The following RAB31 variants were observed in gnomAD, a reference collection of about 807,000 sequenced individuals.
RAB31 encodes ras-related protein Rab-31.
RAB31 carries 21 observed loss-of-function variants against 25.6 expected under a neutral mutation model. The ratio of observed to expected loss-of-function variants is 0.82; its 90% confidence interval spans 0.58 to 1.18. RAB31 has a LOEUF of 1.18. Ranked by LOEUF, RAB31 falls within the 50% of genes most tolerant of loss-of-function variation. The pLI is 0.00. For missense variants in RAB31, 196 were observed against 250.1 expected, an observed-to-expected ratio of 0.78 and a Z score of 1.46; for synonymous variants, 87 against 84.0, an observed-to-expected ratio of 1.04 and a Z score of -0.20.
chr18:9,787,687 G>A (rs2068440566), intron 2 of RAB31: 1 of 153,674 alleles, frequency 6.5e-6, no homozygotes, highest in Non-Finnish European at 1.5e-5. Flanking sequence ...CCTTACAAAT[G>A]CAATGATTAT....
intron 1 of RAB31, chr18:9,735,551 C>A: frequency 5.1e-6 from 1 of 195,636 alleles, no homozygotes; most frequent in Non-Finnish European, 1.1e-5. Context: ...GTGGCCATGG[C>A]CGTGGCTCGT....
At chr18:9,797,067 T>C (rs561854670) in intron 3 of RAB31, among the ~76,000 whole-genome samples, 15 of 152,234 alleles carry the variant, frequency 9.9e-5, no homozygotes, top group Non-Finnish European at 1.9e-4. Context: ...CAGACTTCTG[T>C]GCACGGGAAG....
intron 3 of RAB31, among the ~76,000 whole-genome samples, chr18:9,796,399 A>G (rs2068487329): frequency 6.6e-6 from 1 of 152,204 alleles, no homozygotes; most frequent in Non-Finnish European, 1.5e-5. Flanking sequence ...TAATAATAAA[A>G]TAAAGCTAAA....
At chr18:9,716,564 G>A (rs1403107522) in intron 1 of RAB31, among the ~76,000 whole-genome samples, 1 of 152,098 alleles carries the variant, frequency 6.6e-6, no homozygotes, top group Non-Finnish European at 1.5e-5. Context: ...ACAATTGAGT[G>A]TGCTCAGTGT....
In RAB31 at chr18:9,775,346, C is replaced by T. The variant is rs760504706; in HGVS notation, c.108C>T (p.Ser36=). The change falls in exon 2 of 7, where the codon AGC becomes AGT. Residue 36 remains serine, a synonymous_variant. Transcript: ENST00000578921. ...FVQDHFDHNI[S]PTIGASFMTK... Reference sequence around the variant, plus strand: ...AGGATCACTTTGACCACAACATCAGCCCTACTATTGGGTAAGTTCCTGTAT... The same window carrying T: ...AGGATCACTTTGACCACAACATCAGTCCTACTATTGGGTAAGTTCCTGTAT... The T allele has an allele frequency of 1.2e-6, 2 of 1,613,804 alleles. No homozygotes were observed. The highest frequency in any genetic ancestry group is 1.7e-5 in the Admixed American group (1 of 60,010).
At chr18:9,740,037 TG>T (rs1760426479) in intron 1 of RAB31, among the ~76,000 whole-genome samples, 1 of 152,202 alleles carries the variant, frequency 6.6e-6, no homozygotes. Flanking sequence ...CCTCAGACCC[TG>T]GGGTGACGAG....
rs571160903 is a variant in RAB31 at position 9,861,998 on chromosome 18, C to T, written c.*2673C>T. ...CGGCACATTAGGCAGTTGAATATGA[C>T]GTTACCTTGCAGACTAAAAGGTTGA... On this transcript the variant is annotated 3_prime_UTR_variant, in exon 7 of 7. Coordinates refer to ENST00000578921, the MANE Select transcript of RAB31 (RefSeq NM_006868.4). The T allele has an allele frequency of 2.6e-5, 4 of 152,740 alleles. No individual in the cohort carries two copies. The highest frequency in any genetic ancestry group is 4.1e-4 in the South Asian group (2 of 4,830). The allele number at this position is 152,740 out of a possible 1,614,324, so 9.5% of individuals were successfully genotyped here.
intron 5 of RAB31, among the ~76,000 whole-genome samples, chr18:9,844,016 C>G (rs1248353975): frequency 6.6e-6 from 1 of 152,222 alleles, no homozygotes; most frequent in East Asian, 1.9e-4. Context: ...CCATCACTCT[C>G]TGTCCCTGTT....
In RAB31 at chr18:9,762,693, C is replaced by T. The variant is rs911081480; in HGVS notation, c.40-12585C>T. 3.9e-5 allele frequency among the ~76,000 whole-genome samples: 6 copies of T among 152,232 alleles called. No individual in the cohort carries two copies. The East Asian group carries it at 9.7e-4, about 25-fold the overall frequency. The stretch of plus-strand genomic sequence containing the variant: ...AGCTGTGGGGCTATTATAAGAAAAA[C>T]GGAACTGAAGGAGTTATGGAACTTG... On this transcript the variant is annotated intron_variant, in intron 1 of 6. Transcript: ENST00000578921.
chr18:9,756,099 C>CA (rs2068259205), intron 1 of RAB31, among the ~76,000 whole-genome samples: 1 of 152,178 alleles, frequency 6.6e-6, no homozygotes, highest in Non-Finnish European at 1.5e-5. Context: ...AGCTTTAAAC[C>CA]ATGAGAAGGT....
chr18:9,717,642 G>A (rs2068051363), intron 1 of RAB31, among the ~76,000 whole-genome samples: 2 of 152,108 alleles, frequency 1.3e-5, no homozygotes, highest in Non-Finnish European at 2.9e-5. Flanking sequence ...TGGGAGGGAA[G>A]GACAGAGGGA....
chr18:9,736,427 G>T (rs535357599), intron 1 of RAB31, among the ~76,000 whole-genome samples: 1 of 152,120 alleles, frequency 6.6e-6, no homozygotes, highest in East Asian at 1.9e-4. Flanking sequence ...GATGCTCAGG[G>T]TACTGGATGC....
At chr18:9,837,985 T>C (rs2068713660) in intron 5 of RAB31, among the ~76,000 whole-genome samples, 1 of 152,222 alleles carries the variant, frequency 6.6e-6, no homozygotes, top group African/African-American at 2.4e-5. Flanking sequence ...CCTCAGTCTT[T>C]TTGGCATTCT....
intron 1 of RAB31, among the ~76,000 whole-genome samples, chr18:9,710,973 TTTTATTTGAAAGACCAAATGACC>T (rs2068014128): frequency 6.6e-6 from 1 of 151,972 alleles, no homozygotes; most frequent in African/African-American, 2.4e-5. Flanking sequence ...TCAGAGGACA[TTTTATTTGAAAGACCAAATGACC>T]TTGTTGTCCA....
intron 1 of RAB31, among the ~76,000 whole-genome samples, chr18:9,712,016 C>T (rs932976566): frequency 2.6e-5 from 4 of 152,288 alleles, no homozygotes; most frequent in Non-Finnish European, 5.9e-5. Flanking sequence ...TCCATGGGGT[C>T]GGAGGTCTTA....
intron 6 of RAB31, among the ~76,000 whole-genome samples, chr18:9,854,994 G>A (rs1285553453): frequency 6.6e-6 from 1 of 152,210 alleles, no homozygotes; most frequent in East Asian, 1.9e-4. Context: ...TGAAAGGAGA[G>A]AAGAATTACA....
chr18:9,731,157 C>T (rs1459393185), intron 1 of RAB31, among the ~76,000 whole-genome samples: 1 of 151,996 alleles, frequency 6.6e-6, no homozygotes, highest in Non-Finnish European at 1.5e-5. Flanking sequence ...GTTGATCAGG[C>T]TGGTCTCGAA....
intron 1 of RAB31, among the ~76,000 whole-genome samples, chr18:9,754,468 C>T (rs1036221639): frequency 6.6e-6 from 1 of 152,000 alleles, no homozygotes; most frequent in Non-Finnish European, 1.5e-5. Context: ...TTAGTAGAGA[C>T]GGGGTTTCAC....
chr18:9,853,386 T>G (rs1301892474), intron 6 of RAB31, among the ~76,000 whole-genome samples: 4 of 152,212 alleles, frequency 2.6e-5, no homozygotes, highest in African/African-American at 9.7e-5. Context: ...ATAAAAAATG[T>G]GGAAGAACCT....
Sources: allele counts gnomAD v4.1 joint callset (sites outside exome capture counted in the v4.1 genomes callset), GRCh38; gene constraint gnomAD v4.1.1; transcripts MANE v1.5; gene names NCBI Gene and HGNC (gene_info 2026-07-23, HGNC 2026-07-21).